TULP3: variants seen among roughly 807,000 people sequenced by gnomAD.
TULP3 encodes TUB like protein 3, also known as tubby-related protein 3.
In TULP3, 38 loss-of-function variants were observed where a neutral mutation model predicts 50.7. The observed-to-expected ratio is 0.75, with a 90% CI of 0.58 to 0.98. The LOEUF is 0.98. TULP3 is among the 50% of genes least tolerant of loss of function. The pLI is 0.00. For missense variants in TULP3, 550 were observed against 568.0 expected (o/e 0.97, Z 0.32); for synonymous variants, 183 against 196.6 (o/e 0.93, Z 0.58).
chr12:2,939,758 G>A lies in TULP3; in HGVS notation c.*314G>A, dbSNP rs113520528. ...CCCTGAATATATAAAACACACACAC[G>A]AAGAGCAATAGTTTGCCCCTTTTGG... On this transcript the variant is annotated 3_prime_UTR_variant, in exon 11 of 11. Coordinates refer to ENST00000448120, the MANE Select transcript of TULP3 (RefSeq NM_003324.5). The surrounding 1 kb of genome is among the most constrained non-coding windows in gnomAD (Gnocchi z 4.0). 5.7e-6 allele frequency: 7 copies of A among 1,218,756 alleles called. No homozygotes were observed. Among genetic ancestry groups the A allele is most frequent in the Admixed American group, 7.2e-5 (2 of 27,594 alleles). The allele number at this position is 1,218,756 out of a possible 1,614,324, so 75.5% of individuals were successfully genotyped here. A position where few individuals can be genotyped will look rare whatever the true frequency, so the allele number is the denominator to read the frequency against.
chr12:2,920,814 G>GTACCCCATAAA lies in TULP3; in HGVS notation c.146_147insACCCCATAAAT (p.Gln50ProfsTer27). The stretch of plus-strand genomic sequence containing the variant: ...GAAAAAGCGCCTTGAGCCATTTATG[G>GTACCCCATAAA]TGCAGCCCAATCCAGAAGCCAGGCT... On this transcript the variant is annotated frameshift_variant, in exon 3 of 11. Coordinates refer to ENST00000448120, the MANE Select transcript of TULP3 (RefSeq NM_003324.5). LOFTEE classifies it high-confidence loss of function. The GTACCCCATAAA allele has an allele frequency of 6.2e-7, 1 of 1,614,092 alleles. No individual in the cohort carries two copies. The highest frequency in any genetic ancestry group is 8.5e-7 in the Non-Finnish European group (1 of 1,180,028).
rs747274093 is a variant in TULP3 at position 2,890,914 on chromosome 12, T to C, written c.-34T>C. On this transcript the variant is annotated 5_prime_UTR_variant, in exon 1 of 11. Coordinates refer to ENST00000448120, the MANE Select transcript of TULP3 (RefSeq NM_003324.5). ...CCACTCTAGCGACGGCGGGGAAGAG[T>C]GTGTACGTGGTGGGGGCTTCCTCGG... 2.5e-5 allele frequency: 39 copies of C among 1,564,570 alleles called. No individual in the cohort carries two copies. The highest frequency in any genetic ancestry group is 3.2e-5 in the Non-Finnish European group (37 of 1,155,726).
At chr12:2,909,609 G>A (rs1481007027) in intron 2 of TULP3, 29 bp downstream of exon 2, 1 of 1,578,126 alleles carries the variant, frequency 6.3e-7, no homozygotes, top group Admixed American at 2.0e-5. Flanking sequence ...TTTGAAATAG[G>A]TGGCCAACTA....
intron 2 of TULP3, among the ~76,000 whole-genome samples, chr12:2,920,150 G>A (rs2098190828): frequency 1.3e-5 from 2 of 151,974 alleles, no homozygotes; most frequent in South Asian, 4.1e-4. Context: ...TGTATGTTTT[G>A]AGCTTGTGGT....
Position 2,938,303 on chromosome 12 carries a change from G to A in TULP3, c.1195+18G>A. The A allele has an allele frequency of 6.2e-7, 1 of 1,611,250 alleles. No individual in the cohort carries two copies. Among genetic ancestry groups the A allele is most frequent in the Non-Finnish European group, 8.5e-7 (1 of 1,178,234 alleles). On this transcript the variant is annotated intron_variant, in intron 10 of 10. Transcript: ENST00000448120. ...AAATGACCGTAAGCCTCCAGGAGGG[G>A]TTGGGTGGGAAGAGGAGGACAGATG...
intron 5 of TULP3, 78 bp downstream of exon 5, chr12:2,930,423 T>G (rs966920891): frequency 5.1e-6 from 5 of 975,532 alleles, no homozygotes; most frequent in Non-Finnish European, 7.4e-6. Flanking sequence ...TATTTATTTA[T>G]TATTATTATG....
intron 7 of TULP3, 52 bp downstream of exon 7, chr12:2,933,582 A>G (rs541896321): frequency 5.3e-6 from 6 of 1,125,304 alleles, no homozygotes; most frequent in African/African-American, 1.5e-5. Flanking sequence ...TCTTATTCCT[A>G]TAGTTGCAGA....
At chr12:2,927,648 C>T (rs550445244) in intron 4 of TULP3, among the ~76,000 whole-genome samples, 141 of 152,102 alleles carry the variant, frequency 9.3e-4, no homozygotes, top group Middle Eastern at 3.4e-3. Context: ...CCACTGCGCC[C>T]GGCCTGAGAT....
chr12:2,937,797 T>C, intron 9 of TULP3, 68 bp downstream of exon 9: 1 of 928,192 alleles, frequency 1.1e-6, no homozygotes, highest in Non-Finnish European at 1.5e-6. Context: ...CAGAGATTAA[T>C]ACAAAAAAAA....
rs1239898516 is a variant in TULP3, at chr12:2,922,298, A to G, written c.290A>G (p.Glu97Gly). 1.9e-6 allele frequency: 3 copies of G among 1,613,994 alleles called. No homozygotes were observed. The African/African-American group carries it at 4.0e-5, about 22-fold the overall frequency. ...CCAGCTGCTGTCCTGAAACCAGACGAAGTTCATGCTCCATCAGTAAGCTCC... is the reference window on the plus strand; with the variant it reads ...CCAGCTGCTGTCCTGAAACCAGACGGAGTTCATGCTCCATCAGTAAGCTCC... ...DGPAAVLKPD[E>G]VHAPSVSSSV... is the part of the protein sequence containing the mutation. Residue 97 changes from glutamate to glycine, a missense_variant, in exon 4 of 11, where the codon GAA becomes GGA. Coordinates refer to ENST00000448120, the MANE Select transcript of TULP3 (RefSeq NM_003324.5).
chr12:2,924,646 ACTCCAGCC>A (rs1232304741), intron 4 of TULP3, among the ~76,000 whole-genome samples: 1 of 151,518 alleles, frequency 6.6e-6, no homozygotes, highest in Non-Finnish European at 1.5e-5. Flanking sequence ...ATGCCACAGC[ACTCCAGCC>A]TGGGTGACAG....
intron 1 of TULP3, among the ~76,000 whole-genome samples, chr12:2,904,891 A>G (rs931246246): frequency 1.3e-5 from 2 of 151,926 alleles, no homozygotes; most frequent in Non-Finnish European, 2.9e-5. Context: ...CTTTACCTGA[A>G]GTCAGGAGTT....
intron 9 of TULP3, 69 bp downstream of exon 9, chr12:2,937,798 A>AC (rs35398310): frequency 0.14 from 154,045 of 1,073,006 alleles, 4,720 homozygotes; most frequent in South Asian, 0.18. Context: ...AGAGATTAAT[A>AC]CAAAAAAAAA....
At chr12:2,891,716 C>A (rs1467414067) in intron 1 of TULP3, among the ~76,000 whole-genome samples, 3 of 152,066 alleles carry the variant, frequency 2.0e-5, no homozygotes, top group Non-Finnish European at 4.4e-5. Context: ...GATTTAAGCC[C>A]TACACGCCAA....
In TULP3 at chr12:2,933,470, T is replaced by G; in HGVS notation, c.749T>G (p.Leu250Arg). 1.2e-6 allele frequency: 2 copies of G among 1,614,012 alleles called. No homozygotes were observed. Among genetic ancestry groups the G allele is most frequent in the Non-Finnish European group, 1.7e-6 (2 of 1,179,988 alleles). Reference protein sequence around the residue: ...KRKKSKTANYLISIDPVDLSR... With the variant: ...KRKKSKTANYRISIDPVDLSR... Reference sequence around the variant, plus strand: ...AAAAAGAGCAAAACAGCCAACTACCTTATCTCCATTGATCCAGTTGATTTA... The same window carrying G: ...AAAAAGAGCAAAACAGCCAACTACCGTATCTCCATTGATCCAGTTGATTTA... The change falls in exon 7 of 11, where the codon CTT (leucine) becomes CGT (arginine). Residue 250 changes from leucine (L) to arginine (R), a missense_variant. Physicochemically the swap from Leu to Arg is moderately radical, Grantham distance 102. Coordinates refer to ENST00000448120, the MANE Select transcript of TULP3 (RefSeq NM_003324.5).
intron 3 of TULP3, among the ~76,000 whole-genome samples, chr12:2,921,556 G>C (rs147418039): frequency 1.3e-5 from 2 of 152,078 alleles, no homozygotes; most frequent in Non-Finnish European, 2.9e-5. Flanking sequence ...GGTAGAGAGC[G>C]TCCATTCTTC....
At chr12:2,922,916 C>T (rs529475291) in intron 4 of TULP3, among the ~76,000 whole-genome samples, 7 of 147,622 alleles carry the variant, frequency 4.7e-5, no homozygotes, top group Admixed American at 6.9e-5. Flanking sequence ...TGCAGTGACG[C>T]GATCTCGGCT....
chr12:2,902,467 A>C (rs911890529), intron 1 of TULP3, among the ~76,000 whole-genome samples: 4 of 152,178 alleles, frequency 2.6e-5, no homozygotes, highest in African/African-American at 9.7e-5. Context: ...TCAGTGGCCA[A>C]ATTGCAGTTG....
At chr12:2,924,477 G>A (rs979959623) in intron 4 of TULP3, among the ~76,000 whole-genome samples, 9 of 151,062 alleles carry the variant, frequency 6.0e-5, no homozygotes, top group Non-Finnish European at 1.3e-4. Flanking sequence ...TAGGTGTTCA[G>A]GACCAGCCAG....
Sources: allele counts gnomAD v4.1 joint callset (sites outside exome capture counted in the v4.1 genomes callset), GRCh38; gene constraint gnomAD v4.1.1; non-coding constraint Gnocchi (gnomAD v3.1); transcripts MANE v1.5; gene names NCBI Gene and HGNC (gene_info 2026-07-23, HGNC 2026-07-21).